ZNF66: variants seen among roughly 807,000 people sequenced by gnomAD.
ZNF66 encodes zinc finger protein 66.
In ZNF66, 32 loss-of-function variants were observed where a neutral mutation model predicts 35.2. The observed-to-expected ratio is 0.91, with a 90% CI of 0.69 to 1.22. The LOEUF is 1.22. ZNF66 is among the 50% of genes most tolerant of loss of function. The pLI, the probability that ZNF66 is intolerant of heterozygous loss-of-function variation, is 0.00. For missense variants in ZNF66, 666 were observed against 543.1 expected, an observed-to-expected ratio of 1.23 and a Z score of -2.25; for synonymous variants, 231 against 181.3, an observed-to-expected ratio of 1.27 and a Z score of -2.20.
At chr19:20,798,284 A>T (rs1971414172) in intron 3 of ZNF66, among the ~76,000 whole-genome samples, 1 of 152,048 alleles carries the variant, frequency 6.6e-6, no homozygotes. Flanking sequence ...AAAATTTACC[A>T]TCTTAAATCT....
At chr19:20,778,095 A>G (rs141196537) in intron 1 of ZNF66, among the ~76,000 whole-genome samples, 114 of 152,122 alleles carry the variant, frequency 7.5e-4, no homozygotes, top group African/African-American at 2.7e-3. Flanking sequence ...TTACTACATT[A>G]TTTTATTTAT....
At chr19:20,792,132 A>C (rs1252050161) in intron 1 of ZNF66, among the ~76,000 whole-genome samples, 3 of 151,904 alleles carry the variant, frequency 2.0e-5, no homozygotes, top group Non-Finnish European at 4.4e-5. Context: ...TTCTGGAAAA[A>C]AACCCTGCAT....
chr19:20,797,368 G>A (rs1971404968), intron 3 of ZNF66, among the ~76,000 whole-genome samples: 2 of 139,248 alleles, frequency 1.4e-5, no homozygotes, highest in East Asian at 2.0e-4. Context: ...CACCTCGCCC[G>A]GCTAATTTTT....
At chr19:20,795,428 T>C (rs556443871) in intron 3 of ZNF66, among the ~76,000 whole-genome samples, 1 of 151,468 alleles carries the variant, frequency 6.6e-6, no homozygotes, top group African/African-American at 2.4e-5. Flanking sequence ...AGTGCAATGG[T>C]GCGATCTCAT....
Position 20,792,853 on chromosome 19 carries a change from A to T in ZNF66, c.130+215A>T, listed in dbSNP as rs1242834385. 3.3e-5 allele frequency among the ~76,000 whole-genome samples: 5 copies of T among 152,186 alleles called. No homozygotes were observed. The East Asian group carries it at 9.7e-4, about 29-fold the overall frequency. ...GAGGCTGAGGCAGGGGGATTACCTG[A>T]GGCCAGGAGTTTGAGACCAGCTGGC... On this transcript the variant is annotated intron_variant, in intron 2 of 3. Transcript: ENST00000344519.
At chr19:20,799,078 T>TTTTTTTTTTTTTTTTTTTTC (rs1460346688) in intron 3 of ZNF66, 2 of 139,996 alleles carry the variant, frequency 1.4e-5, no homozygotes, top group African/African-American at 2.7e-5. Context: ...TTTTTTTTTT[T>TTTTTTTTTTTTTTTTTTTTC]TGAGATGGAA....
In ZNF66 at chr19:20,809,513, G is replaced by C. The variant is rs1971566640; in HGVS notation, c.*2191G>C. On this transcript the variant is annotated 3_prime_UTR_variant, in exon 4 of 4. Transcript: ENST00000344519. ...GAAACTCTATAAGCCAGAAGAGAGT[G>C]GGGGCCAATATTCAACATTCTTAAA... 6.6e-6 allele frequency among the ~76,000 whole-genome samples: 1 copy of C among 152,094 alleles called. No homozygotes were observed. Among genetic ancestry groups the C allele is most frequent in the African/African-American group, 2.4e-5 (1 of 41,416 alleles).
chr19:20,793,465 G>T (rs769354277), intron 2 of ZNF66, among the ~76,000 whole-genome samples: 3 of 151,188 alleles, frequency 2.0e-5, no homozygotes, highest in Non-Finnish European at 4.4e-5. Flanking sequence ...TGGGACTACA[G>T]GCACACATCA....
intron 1 of ZNF66, among the ~76,000 whole-genome samples, chr19:20,789,249 CAT>C (rs1971314773): frequency 6.6e-6 from 1 of 152,118 alleles, no homozygotes; most frequent in Non-Finnish European, 1.5e-5. Flanking sequence ...AAGAATTCTA[CAT>C]AGAGTCCCCA....
chr19:20,797,569 GT>G (rs1326296791), intron 3 of ZNF66, among the ~76,000 whole-genome samples: 71 of 139,002 alleles, frequency 5.1e-4, no homozygotes, highest in East Asian at 6.4e-4. Context: ...TTCAGTGTAG[GT>G]TTTTTTTTTT....
intron 3 of ZNF66, among the ~76,000 whole-genome samples, chr19:20,804,763 T>G (rs1206947325): frequency 6.6e-6 from 1 of 152,218 alleles, no homozygotes; most frequent in African/African-American, 2.4e-5. Context: ...GCTAGAGATT[T>G]TGGGAATTTC....
At chr19:20,787,654 A>T (rs1397396217) in intron 1 of ZNF66, among the ~76,000 whole-genome samples, 1 of 152,230 alleles carries the variant, frequency 6.6e-6, no homozygotes, top group African/African-American at 2.4e-5. Context: ...GAGAGGCTCC[A>T]GGAGGAAATA....
intron 3 of ZNF66, among the ~76,000 whole-genome samples, chr19:20,800,996 G>T (rs770357181): frequency 1.8e-4 from 28 of 151,902 alleles, no homozygotes; most frequent in Non-Finnish European, 3.4e-4. Context: ...ATATTTTGGA[G>T]CCCTGATGTT....
intron 3 of ZNF66, among the ~76,000 whole-genome samples, chr19:20,802,618 A>G (rs1171461506): frequency 3.3e-5 from 5 of 152,236 alleles, no homozygotes; most frequent in Non-Finnish European, 7.3e-5. Context: ...TGGTCTATAT[A>G]GGAGAATGCT....
intron 1 of ZNF66, among the ~76,000 whole-genome samples, chr19:20,786,333 A>G (rs1971286736): frequency 6.6e-6 from 1 of 152,198 alleles, no homozygotes; most frequent in Admixed American, 6.5e-5. Flanking sequence ...GCAGCAATCA[A>G]TCATTTTACC....
rs1001086135 is a variant in ZNF66, at chr19:20,793,214, C to T, written c.131-569C>T. On this transcript the variant is annotated intron_variant, in intron 2 of 3. Transcript: ENST00000344519. ...TTACTGACTTAAAATATTGTAGCTT[C>T]CACCTGAAAATCTACTTGCCACCAC... Among the ~76,000 whole-genome samples, 5 of 151,912 alleles carry T rather than the reference C, an allele frequency of 3.3e-5. 1 individual carries two copies. The South Asian group carries it at 6.2e-4, about 19-fold the overall frequency.
intron 1 of ZNF66, 118 bp downstream of exon 1, chr19:20,776,568 G>C (rs751025443): frequency 1.2e-5 from 16 of 1,333,390 alleles, no homozygotes; most frequent in Non-Finnish European, 1.7e-5. Flanking sequence ...CTCTGCCTCA[G>C]TCCCATTCAG....
chr19:20,794,034 T>C (rs1434336759), intron 3 of ZNF66, 156 bp downstream of exon 3: 2 of 570,206 alleles, frequency 3.5e-6, no homozygotes, highest in Non-Finnish European at 6.3e-6. Flanking sequence ...TTTGTTGTTT[T>C]AAATTTTGCT....
intron 1 of ZNF66, among the ~76,000 whole-genome samples, chr19:20,782,642 C>A (rs1971255100): frequency 6.6e-6 from 1 of 151,910 alleles, no homozygotes; most frequent in African/African-American, 2.4e-5. Flanking sequence ...GCATTTTTTT[C>A]ATATGCTTGT....
Sources: allele counts gnomAD v4.1 joint callset (sites outside exome capture counted in the v4.1 genomes callset), GRCh38; gene constraint gnomAD v4.1.1; transcripts MANE v1.5; gene names NCBI Gene and HGNC (gene_info 2026-07-23, HGNC 2026-07-21).